The following EXOC4 variants were observed in gnomAD, a reference collection of about 807,000 sequenced individuals.
The protein encoded by EXOC4 is exocyst complex component 4.
EXOC4 carries 71 observed loss-of-function variants against 107.2 expected under a neutral mutation model. The observed-to-expected ratio is 0.66, with a 90% CI of 0.55 to 0.81. The LOEUF is 0.81. Among genes scored for constraint, EXOC4 ranks in the 30% least tolerant of loss-of-function variants. EXOC4 has a pLI of 0.00. For synonymous variants in EXOC4, 456 were observed against 441.2 expected, an observed-to-expected ratio of 1.03 and a Z score of -0.42; for missense variants, 1,108 against 1,189.6, an observed-to-expected ratio of 0.93 and a Z score of 1.01.
chr7:133,897,902 A>T (rs1181728213), intron 12 of EXOC4, among the ~76,000 whole-genome samples: 1 of 152,068 alleles, frequency 6.6e-6, no homozygotes, highest in Admixed American at 6.6e-5. Context: ...ATATTACATT[A>T]TTGTTAATTA....
chr7:133,958,169 G>T lies in EXOC4; in HGVS notation c.2206+20100G>T, dbSNP rs142897985. ...AATTAACAAAATGCTTCCAGTGAGGGCCTGAAATCTTCTACCTTGCTTTTA... is the reference window on the plus strand; with the variant it reads ...AATTAACAAAATGCTTCCAGTGAGGTCCTGAAATCTTCTACCTTGCTTTTA... On this transcript the variant is annotated intron_variant, in intron 14 of 17. Transcript: ENST00000253861. 7.2e-5 allele frequency among the ~76,000 whole-genome samples: 11 copies of T among 152,280 alleles called. No homozygotes were observed. In the East Asian group the frequency reaches 1.9e-3, roughly 27 times the overall value.
intron 17 of EXOC4, among the ~76,000 whole-genome samples, chr7:134,050,669 G>C (rs568949317): frequency 2.0e-5 from 3 of 152,208 alleles, no homozygotes; most frequent in South Asian, 4.2e-4. Flanking sequence ...TATTATTCAG[G>C]GGACAGTGAG....
At chr7:133,287,171 T>C (rs1273964993) in intron 2 of EXOC4, among the ~76,000 whole-genome samples, 1 of 152,196 alleles carries the variant, frequency 6.6e-6, no homozygotes, top group Non-Finnish European at 1.5e-5. Flanking sequence ...CTCTGTTCTC[T>C]CTTTATGCTT....
chr7:133,407,780 A>G (rs1797256741), intron 7 of EXOC4, among the ~76,000 whole-genome samples: 1 of 152,232 alleles, frequency 6.6e-6, no homozygotes, highest in African/African-American at 2.4e-5. Flanking sequence ...AAGCTGGAAT[A>G]AGCAAAATAA....
intron 7 of EXOC4, among the ~76,000 whole-genome samples, chr7:133,382,617 T>TA (rs1346419464): frequency 1.3e-5 from 2 of 152,184 alleles, no homozygotes; most frequent in African/African-American, 4.8e-5. Flanking sequence ...AGCCTTTAGT[T>TA]AAATATGTAA....
chr7:134,078,614 C>T, the EXOC4 span, among the ~76,000 whole-genome samples: 2 of 152,180 alleles, frequency 1.3e-5, no homozygotes, highest in Non-Finnish European at 2.9e-5. Context: ...TCCCCAACAG[C>T]TTAGAGTTCC....
intron 14 of EXOC4, among the ~76,000 whole-genome samples, chr7:133,980,067 C>A (rs1312603687): frequency 6.6e-6 from 1 of 152,208 alleles, no homozygotes; most frequent in East Asian, 1.9e-4. Context: ...CTGCCCTCTG[C>A]CTTAATCCCT....
intron 2 of EXOC4, among the ~76,000 whole-genome samples, chr7:133,279,778 T>G (rs576953060): frequency 2.0e-5 from 3 of 152,262 alleles, no homozygotes; most frequent in African/African-American, 7.2e-5. Flanking sequence ...CTTGGTCTCC[T>G]AAAGTGCTGG....
intron 9 of EXOC4, among the ~76,000 whole-genome samples, chr7:133,499,775 C>T (rs1490214616): frequency 6.6e-6 from 1 of 152,064 alleles, no homozygotes; most frequent in South Asian, 2.1e-4. Flanking sequence ...TTCTCTTGCT[C>T]ATGCCATGTA....
At chr7:133,817,607 T>A (rs1797403505) in intron 11 of EXOC4, 63 bp downstream of exon 11, 1 of 1,230,938 alleles carries the variant, frequency 8.1e-7, no homozygotes, top group Non-Finnish European at 1.1e-6. Context: ...GCAAGTGTCA[T>A]AAATTTAAAA....
intron 11 of EXOC4, among the ~76,000 whole-genome samples, chr7:133,889,104 T>C (rs1212492097): frequency 2.0e-5 from 3 of 152,184 alleles, no homozygotes; most frequent in African/African-American, 7.2e-5. Context: ...TTTGAAACTT[T>C]TAAAATAAAT....
At chr7:133,859,934 T>C (rs2116332863) in intron 11 of EXOC4, among the ~76,000 whole-genome samples, 1 of 152,304 alleles carries the variant, frequency 6.6e-6, no homozygotes, top group East Asian at 1.9e-4. Flanking sequence ...TACAAAGATT[T>C]GTGCTGTCTT....
intron 14 of EXOC4, among the ~76,000 whole-genome samples, chr7:133,979,438 C>G (rs1793919919): frequency 6.6e-6 from 1 of 152,160 alleles, no homozygotes; most frequent in South Asian, 2.1e-4. Flanking sequence ...CATGATCTCT[C>G]AATCACATGA....
intron 15 of EXOC4, among the ~76,000 whole-genome samples, chr7:134,000,311 CAG>C (rs1354739777): frequency 6.6e-6 from 1 of 152,012 alleles, no homozygotes; most frequent in African/African-American, 2.4e-5. Context: ...ATGAAAAAGA[CAG>C]ATTTCATGCC....
rs139909630 is a variant in EXOC4, at chr7:133,512,033, A to G, written c.1417+31895A>G. ...ATGTCGATGAGACAAAATGGATCCT[A>G]CTCTCCTGGAGATTACAGTCTAGCA... On this transcript the variant is annotated intron_variant, in intron 9 of 17. Transcript: ENST00000253861. Among the ~76,000 whole-genome samples, 267 of 152,160 alleles carry G rather than the reference A, an allele frequency of 1.8e-3. 1 individual carries two copies. Among genetic ancestry groups the G allele is most frequent in the African/African-American group, 6.0e-3 (250 of 41,504 alleles).
intron 11 of EXOC4, among the ~76,000 whole-genome samples, chr7:133,822,659 A>G (rs1158592074): frequency 3.3e-5 from 5 of 152,204 alleles, no homozygotes; most frequent in Non-Finnish European, 4.4e-5. Context: ...AGTGTGGCCC[A>G]TGGACCGGGA....
chr7:133,629,654 C>T (rs949269418), intron 9 of EXOC4, among the ~76,000 whole-genome samples: 11 of 151,988 alleles, frequency 7.2e-5, no homozygotes, highest in Admixed American at 6.6e-4. Flanking sequence ...AATTCTCCTG[C>T]CTCAACCTCC....
At chr7:133,509,280 T>G (rs1395120070) in intron 9 of EXOC4, among the ~76,000 whole-genome samples, 2 of 152,012 alleles carry the variant, frequency 1.3e-5, no homozygotes, top group Non-Finnish European at 2.9e-5. Flanking sequence ...TACAAAAAAT[T>G]AGCCGGGCGT....
At chr7:134,002,269 A>T (rs1794546848) in intron 15 of EXOC4, among the ~76,000 whole-genome samples, 1 of 152,198 alleles carries the variant, frequency 6.6e-6, no homozygotes, top group Non-Finnish European at 1.5e-5. Flanking sequence ...AGATACTTGG[A>T]TTCTCTTGGA....
Sources: gnomAD v4.1 joint callset for allele counts (sites outside exome capture counted in the v4.1 genomes callset) on GRCh38, gnomAD v4.1.1 for gene constraint, MANE v1.5 for transcripts, NCBI Gene and HGNC (gene_info 2026-07-23, HGNC 2026-07-21) for gene names.